The following MTUS2 variants were observed in gnomAD, a reference collection of about 807,000 sequenced individuals.
The protein encoded by MTUS2 is microtubule-associated tumor suppressor candidate 2.
A neutral mutation model predicts 114.1 loss-of-function variants in MTUS2; 40 were observed. The observed-to-expected ratio is 0.35, with a 90% CI of 0.27 to 0.46. The LOEUF (loss-of-function observed/expected upper bound fraction) is 0.46, where lower values mean the gene tolerates loss of function less well. Ranked by LOEUF, MTUS2 falls within the 20% of genes least tolerant of loss-of-function variation. The probability of loss-of-function intolerance (pLI) is 1.00; values close to 1 mark genes in which losing one functional copy is unlikely to be tolerated. For synonymous variants in MTUS2, 688 were observed against 672.0 expected, an observed-to-expected ratio of 1.02 and a Z score of -0.37; for missense variants, 1,679 against 1,705.4, an observed-to-expected ratio of 0.98 and a Z score of 0.27.
At chr13:28,886,397 T>G (rs1269813127) in intron 2 of MTUS2, among the ~76,000 whole-genome samples, 1 of 151,868 alleles carries the variant, frequency 6.6e-6, no homozygotes, top group Non-Finnish European at 1.5e-5. Flanking sequence ...GGGTTAGTGG[T>G]GGAGGTGGGG....
chr13:28,836,575 G>A (rs1875101442), intron 1 of MTUS2, among the ~76,000 whole-genome samples: 2 of 152,218 alleles, frequency 1.3e-5, no homozygotes, highest in African/African-American at 4.8e-5. Flanking sequence ...AAGGAAGGGA[G>A]TGGTCAGTTC....
At position 28,951,628 on chromosome 13, in the gene MTUS2, A is replaced by G. The variant is rs1882812389; in HGVS notation, c.-242-72829A>G. Among the ~76,000 whole-genome samples, 4 of 152,058 alleles carry G rather than the reference A, an allele frequency of 2.6e-5. No homozygotes were observed. In the South Asian group the frequency reaches 8.3e-4, roughly 32 times the overall value. On this transcript the variant is annotated intron_variant, in intron 2 of 15. Coordinates refer to ENST00000612955, the MANE Select transcript of MTUS2 (RefSeq NM_001033602.4). The stretch of plus-strand genomic sequence containing the variant: ...AGCTTGGGCAACATGGTAAAACCCC[A>G]TTTCTACTAAAAATACAAAAATGTG...
chr13:28,824,266 G>A (rs554299747), intron 1 of MTUS2, among the ~76,000 whole-genome samples: 1 of 152,272 alleles, frequency 6.6e-6, no homozygotes, highest in African/African-American at 2.4e-5. Flanking sequence ...CTTTCTCTGT[G>A]CCTTTGAGAT....
intron 6 of MTUS2, among the ~76,000 whole-genome samples, chr13:29,310,004 A>G (rs1350046125): frequency 6.6e-6 from 1 of 152,178 alleles, no homozygotes; most frequent in East Asian, 1.9e-4. Context: ...ATCAAATACT[A>G]GATCCTATTT....
At chr13:29,074,610 T>C (rs1889100699) in intron 4 of MTUS2, among the ~76,000 whole-genome samples, 1 of 152,194 alleles carries the variant, frequency 6.6e-6, no homozygotes, top group Non-Finnish European at 1.5e-5. Context: ...GTCCCTGAGG[T>C]AATTTTCATT....
chr13:28,886,952 C>T (rs962167174), intron 2 of MTUS2, among the ~76,000 whole-genome samples: 7 of 152,086 alleles, frequency 4.6e-5, no homozygotes, highest in East Asian at 1.9e-4. Context: ...CAGGTTGGAG[C>T]GCTAGGAGGC....
intron 5 of MTUS2, among the ~76,000 whole-genome samples, chr13:29,103,184 C>T (rs1890496200): frequency 1.3e-5 from 2 of 152,152 alleles, no homozygotes; most frequent in Admixed American, 1.3e-4. Flanking sequence ...GAAACATGAG[C>T]ATGATAAGAA....
At chr13:29,245,785 C>T (rs1478293990) in intron 5 of MTUS2, among the ~76,000 whole-genome samples, 1 of 151,024 alleles carries the variant, frequency 6.6e-6, no homozygotes, top group Admixed American at 6.6e-5. Context: ...CAAGCTCTGC[C>T]TCCCAGGTTC....
At chr13:28,840,095 G>A (rs1183556082) in intron 2 of MTUS2, among the ~76,000 whole-genome samples, 4 of 151,514 alleles carry the variant, frequency 2.6e-5, no homozygotes, top group Non-Finnish European at 5.9e-5. Context: ...TAACGTGTTA[G>A]TGATTTTAAA....
intron 8 of MTUS2, among the ~76,000 whole-genome samples, chr13:29,372,281 A>AT (rs139540213): frequency 2.9e-3 from 434 of 152,094 alleles, no homozygotes; most frequent in African/African-American, 9.8e-3. Flanking sequence ...AGACCAAAAT[A>AT]TCAATGCAAA....
rs1459298704 is a variant in MTUS2, at chr13:29,440,026, T to C, written c.3161T>C (p.Leu1054Pro). Reference sequence around the variant, plus strand: ...AAAGAAAAAGAGCTGTCAATCGAACTTGCAAACATCAGGGATGAAGTTGGT... The same window carrying C: ...AAAGAAAAAGAGCTGTCAATCGAACCTGCAAACATCAGGGATGAAGTTGGT... ...LVKEKELSIE[L>P]ANIRDEVAFH... The change falls in exon 9 of 16, where the codon CTT becomes CCT. Residue 1054 changes from leucine to proline, a missense_variant. By Grantham distance (98) the Leu-to-Pro change is moderately conservative. Transcript: ENST00000612955. The C allele has an allele frequency of 5.0e-6, 8 of 1,589,018 alleles. No homozygotes were observed. The highest frequency in any genetic ancestry group is 6.9e-6 in the Non-Finnish European group (8 of 1,165,968).
At chr13:28,863,598 C>G (rs1312226416) in intron 2 of MTUS2, among the ~76,000 whole-genome samples, 3 of 152,208 alleles carry the variant, frequency 2.0e-5, no homozygotes, top group African/African-American at 4.8e-5. Context: ...AAAAACACAT[C>G]TTAGCAGAAG....
chr13:28,935,390 C>T (rs1374962986), intron 2 of MTUS2, among the ~76,000 whole-genome samples: 2 of 151,974 alleles, frequency 1.3e-5, no homozygotes, highest in Non-Finnish European at 2.9e-5. Context: ...AAAGTTTTTG[C>T]AAGTGGTTGT....
chr13:29,412,963 C>A (rs929672378), intron 8 of MTUS2, among the ~76,000 whole-genome samples: 2 of 152,178 alleles, frequency 1.3e-5, no homozygotes, highest in Non-Finnish European at 2.9e-5. Flanking sequence ...CCAGTTCCAT[C>A]TTAAAAGCCA....
rs1451875760 is a variant in MTUS2, at chr13:29,013,857, G to A, written c.-242-10600G>A. ...TCTCATTTCCCCACCCCTTCAATTG[G>A]AATTTCTGTCTTTTTCTTACCATTA... is the stretch of plus-strand genomic sequence containing the variant. On this transcript the variant is annotated intron_variant, in intron 2 of 15. Coordinates refer to ENST00000612955, the MANE Select transcript of MTUS2 (RefSeq NM_001033602.4). Among the ~76,000 whole-genome samples the A allele has an allele frequency of 2.6e-5, 4 of 152,150 alleles. No individual in the cohort carries two copies. In the East Asian group the frequency reaches 7.7e-4, roughly 29 times the overall value.
intron 4 of MTUS2, among the ~76,000 whole-genome samples, chr13:29,098,456 ACACAC>A (rs1566007143): frequency 8.8e-6 from 1 of 113,818 alleles, no homozygotes; most frequent in Non-Finnish European, 2.0e-5. Context: ...AAACACACAC[ACACAC>A]ACACACATGT....
rs1877040303 is a variant in MTUS2, at chr13:28,862,356, A to T, written c.-243+22506A>T. ...CTGGGCATGGTGGCTCACGCCTTTA[A>T]TCCTAGCACTTTGGAAGGCCGAGGC... On this transcript the variant is annotated intron_variant, in intron 2 of 15. Transcript: ENST00000612955. Among the ~76,000 whole-genome samples, 5 of 152,354 alleles carry T rather than the reference A, an allele frequency of 3.3e-5. No homozygotes were observed. In the South Asian group the frequency reaches 1.0e-3, roughly 32 times the overall value.
chr13:29,235,689 A>G (rs1420991402), intron 5 of MTUS2, among the ~76,000 whole-genome samples: 7 of 152,310 alleles, frequency 4.6e-5, no homozygotes, highest in South Asian at 2.1e-4. Context: ...ATTTAAACCA[A>G]TAATTAACAG....
intron 2 of MTUS2, among the ~76,000 whole-genome samples, chr13:28,855,305 G>A (rs1876552945): frequency 6.6e-6 from 1 of 152,062 alleles, no homozygotes; most frequent in Non-Finnish European, 1.5e-5. Flanking sequence ...TGCAGGATGT[G>A]CAGGTTTGTT....
Sources: allele counts gnomAD v4.1 joint callset (sites outside exome capture counted in the v4.1 genomes callset), GRCh38; gene constraint gnomAD v4.1.1; transcripts MANE v1.5; gene names NCBI Gene and HGNC (gene_info 2026-07-23, HGNC 2026-07-21).